The following ZNF469 variants were observed in gnomAD, a reference collection of about 807,000 sequenced individuals.
ZNF469 encodes zinc finger protein 469.
In ZNF469, 1 loss-of-function variant was observed where a neutral mutation model predicts 1.0. The observed-to-expected ratio is 1.00, with a 90% confidence interval of 0.35 to 4.73. ZNF469 has a LOEUF of 4.73. Among genes scored for constraint, ZNF469 ranks in the 30% most tolerant of loss-of-function variants. ZNF469 has a pLI of 0.16. For synonymous variants in ZNF469, 2,703 were observed against 2,363.4 expected, an observed-to-expected ratio of 1.14 and a Z score of -4.17; for missense variants, 6,100 against 5,356.3, an observed-to-expected ratio of 1.14 and a Z score of -4.33.
the ZNF469 span, among the ~76,000 whole-genome samples, chr16:88,313,127 G>A: frequency 6.6e-6 from 1 of 152,220 alleles, no homozygotes; most frequent in Non-Finnish European, 1.5e-5. Context: ...TCCCTCCGCT[G>A]TGCCTCCAAG....
At chr16:88,331,566 T>TCACCACCAC in the ZNF469 span, among the ~76,000 whole-genome samples, 1 of 145,922 alleles carries the variant, frequency 6.9e-6, no homozygotes, top group African/African-American at 2.6e-5. Flanking sequence ...GTCATCACCA[T>TCACCACCAC]CACCACCACC....
At chr16:88,212,687 C>T in the ZNF469 span, among the ~76,000 whole-genome samples, 2 of 152,232 alleles carry the variant, frequency 1.3e-5, no homozygotes, top group Middle Eastern at 3.4e-3. Flanking sequence ...CTCAAGCAAT[C>T]CTCCCACCTT....
the ZNF469 span, among the ~76,000 whole-genome samples, chr16:88,112,255 G>T: frequency 6.6e-6 from 1 of 152,154 alleles, no homozygotes; most frequent in African/African-American, 2.4e-5. Context: ...CAGGACTGCA[G>T]ACATCTCTTT....
the ZNF469 span, among the ~76,000 whole-genome samples, chr16:88,171,507 A>G: frequency 6.6e-6 from 1 of 152,354 alleles, no homozygotes; most frequent in Admixed American, 6.5e-5. Context: ...TGACACAAGC[A>G]AAGAATGTCA....
At chr16:88,203,882 G>A in the ZNF469 span, among the ~76,000 whole-genome samples, 2 of 152,206 alleles carry the variant, frequency 1.3e-5, no homozygotes, top group Admixed American at 6.5e-5. Flanking sequence ...CACACGGGTC[G>A]GGGGTAGGAC....
the ZNF469 span, among the ~76,000 whole-genome samples, chr16:88,321,538 G>C: frequency 1.3e-5 from 2 of 152,106 alleles, no homozygotes; most frequent in African/African-American, 4.8e-5. Flanking sequence ...CTCGAATTCT[G>C]CATGTAAGGC....
the ZNF469 span, chr16:88,194,833 TA>T: frequency 6.6e-6 from 1 of 152,218 alleles, no homozygotes; most frequent in Non-Finnish European, 1.5e-5. Flanking sequence ...TTGGGTTTCG[TA>T]ACGTCAGAGG....
the ZNF469 span, among the ~76,000 whole-genome samples, chr16:88,138,324 G>C: frequency 0.031 from 4,671 of 152,238 alleles, 235 homozygotes; most frequent in African/African-American, 0.11. Flanking sequence ...CCTGCCCTCA[G>C]CCCACTTTCC....
the ZNF469 span, among the ~76,000 whole-genome samples, chr16:88,263,239 A>C: frequency 6.6e-6 from 1 of 151,962 alleles, no homozygotes. Context: ...CCCCCACCCC[A>C]CCCAGTTGTT....
At chr16:88,413,431 C>T (rs1033730918) in intron 1 of ZNF469, among the ~76,000 whole-genome samples, 1 of 152,244 alleles carries the variant, frequency 6.6e-6, no homozygotes, top group African/African-American at 2.4e-5. Flanking sequence ...GGCCGAGGCC[C>T]GGCGCACCGT....
the ZNF469 span, among the ~76,000 whole-genome samples, chr16:88,353,532 C>T: frequency 6.6e-6 from 1 of 152,236 alleles, no homozygotes; most frequent in Non-Finnish European, 1.5e-5. Flanking sequence ...CTCCGCCAGC[C>T]TCTCGCGGCT....
the ZNF469 span, among the ~76,000 whole-genome samples, chr16:88,332,803 C>T: frequency 1.3e-5 from 2 of 152,342 alleles, no homozygotes; most frequent in South Asian, 4.1e-4. Flanking sequence ...TCCCACAAGA[C>T]TCCACACAAG....
chr16:88,251,628 GGCTCACTGCAACCTCCACCT>G, the ZNF469 span, among the ~76,000 whole-genome samples: 1 of 128,360 alleles, frequency 7.8e-6, no homozygotes, highest in Non-Finnish European at 1.6e-5. Flanking sequence ...GCGTGATCTC[GGCTCACTGCAACCTCCACCT>G]CCCGGGTTCA....
the ZNF469 span, among the ~76,000 whole-genome samples, chr16:88,198,385 G>A: frequency 2.3e-3 from 353 of 152,296 alleles, 2 homozygotes; most frequent in Non-Finnish European, 3.2e-3. Context: ...AGCCTCCTCC[G>A]GTGGGGGGCT....
In ZNF469 at chr16:88,430,432, G is replaced by T; in HGVS notation, c.2962G>T (p.Glu988Ter). ...LRPRRNDGLGERPPPRPRRPR... is the reference protein window; with the variant it reads ...LRPRRNDGLG ...GCCCCGGAGGAACGACGGTCTCGGG[G>T]AGCGGCCCCCACCCCGTCCCCGGCG... The change falls in exon 3 of 3, where the codon GAG becomes TAG. Residue 988 changes from glutamate (E) to a stop codon, truncating the protein, a stop_gained. Coordinates refer to ENST00000565624, the MANE Select transcript of ZNF469 (RefSeq NM_001367624.2). LOFTEE classifies it low-confidence loss of function (END_TRUNC). 2 of 1,518,172 alleles carry T rather than the reference G, an allele frequency of 1.3e-6. No individual in the cohort carries two copies. The highest frequency in any genetic ancestry group is 1.8e-6 in the Non-Finnish European group (2 of 1,137,466). 94.0% of individuals were successfully genotyped at this position (1,518,172 alleles called of 1,614,324 possible).
intron 1 of ZNF469, among the ~76,000 whole-genome samples, chr16:88,402,871 G>A (rs2142276154): frequency 6.6e-6 from 1 of 152,244 alleles, no homozygotes; most frequent in African/African-American, 2.4e-5. Flanking sequence ...TTGGCCCAGG[G>A]TCACTCCACC....
At chr16:88,128,648 C>G in the ZNF469 span, among the ~76,000 whole-genome samples, 2 of 152,360 alleles carry the variant, frequency 1.3e-5, no homozygotes, top group African/African-American at 2.4e-5. Flanking sequence ...TCCCCCGACC[C>G]AGGTCTCCCT....
At chr16:88,327,417 C>G in the ZNF469 span, among the ~76,000 whole-genome samples, 8 of 152,248 alleles carry the variant, frequency 5.3e-5, no homozygotes, top group Non-Finnish European at 1.2e-4. Context: ...GGGCTGCAGG[C>G]CACATCCTGT....
the ZNF469 span, among the ~76,000 whole-genome samples, chr16:88,101,614 G>A: frequency 6.6e-6 from 1 of 152,052 alleles, no homozygotes; most frequent in African/African-American, 2.4e-5. Context: ...GGCCACCCAG[G>A]GGCAGGACGA....
Sources: allele counts gnomAD v4.1 joint callset (sites outside exome capture counted in the v4.1 genomes callset), GRCh38; gene constraint gnomAD v4.1.1; transcripts MANE v1.5; gene names NCBI Gene and HGNC (gene_info 2026-07-23, HGNC 2026-07-21).